The following VSTM2B variants were observed in gnomAD, a reference collection of about 807,000 sequenced individuals.
The protein encoded by VSTM2B is V-set and transmembrane domain containing 2B, also known as V-set and transmembrane domain-containing protein 2B.
A neutral mutation model predicts 24.0 loss-of-function variants in VSTM2B; 24 were observed. That is an observed-to-expected ratio of 1.00 (90% CI 0.72 to 1.40). The LOEUF (loss-of-function observed/expected upper bound fraction) is 1.40. Ranked by LOEUF, VSTM2B falls within the 40% of genes most tolerant of loss-of-function variation. The pLI is 0.00. For synonymous variants in VSTM2B, 226 were observed against 194.4 expected (o/e 1.16, Z -1.35); for missense variants, 399 against 416.4 (o/e 0.96, Z 0.36).
chr19:29,530,254 G>A lies in VSTM2B; in HGVS notation c.733G>A (p.Gly245Arg). 4 of 1,503,450 alleles carry A rather than the reference G, an allele frequency of 2.7e-6. No homozygotes were observed. Among genetic ancestry groups the A allele is most frequent in the Admixed American group, 2.1e-5 (1 of 47,830 alleles). 93.1% of individuals were successfully genotyped at this position (1,503,450 alleles called of 1,614,324 possible). ...TGCCTCGTCAGCGTCGCCGCCATCG[G>A]GACAGGCGGTCCTGCTGCGCCAGAG... ...AAASSASPPSGQAVLLRQRHG... is the reference protein window; with the variant it reads ...AAASSASPPSRQAVLLRQRHG... Residue 245 changes from glycine to arginine, a missense_variant, in exon 4 of 5, where the codon GGA becomes AGA. Physicochemically the swap from Gly to Arg is moderately radical, Grantham distance 125. Transcript: ENST00000335523.
At chr19:29,553,431 C>T (rs1288318542) in intron 4 of VSTM2B, among the ~76,000 whole-genome samples, 37 of 152,174 alleles carry the variant, frequency 2.4e-4, no homozygotes, top group Admixed American at 2.4e-3. Context: ...CAAAAAAGTC[C>T]CTGCAAGAAA....
At chr19:29,558,256 TTGG>T (rs1970455242) in intron 4 of VSTM2B, among the ~76,000 whole-genome samples, 1 of 152,184 alleles carries the variant, frequency 6.6e-6, no homozygotes, top group African/African-American at 2.4e-5. Flanking sequence ...TTTTACAGTG[TTGG>T]TGGGAATATA....
chr19:29,552,594 C>T lies in VSTM2B; in HGVS notation c.770-11252C>T, dbSNP rs147446009. Among the ~76,000 whole-genome samples, 1,209 of 152,308 alleles carry T rather than the reference C, an allele frequency of 7.9e-3. 11 individuals carry two copies. Among genetic ancestry groups the T allele is most frequent in the African/African-American group, 0.025 (1,040 of 41,558 alleles). ...GGTCAGGGGATCTCCCTCATGAGCC[C>T]GTGCCACCAGGGCCTTGGGTCCCAA... On this transcript the variant is annotated intron_variant, in intron 4 of 4. Transcript: ENST00000335523.
chr19:29,528,576 G>A, intron 3 of VSTM2B, 114 bp downstream of exon 3: 3 of 1,311,216 alleles, frequency 2.3e-6, no homozygotes, highest in Non-Finnish European at 2.1e-6. Context: ...GCGCAAGTAG[G>A]GCAGCGATCG....
At chr19:29,539,606 C>T (rs576991120) in intron 4 of VSTM2B, among the ~76,000 whole-genome samples, 2 of 152,184 alleles carry the variant, frequency 1.3e-5, no homozygotes, top group South Asian at 2.1e-4. Flanking sequence ...CTCACGCCAC[C>T]GTTACAGGCT....
chr19:29,531,630 G>T (rs183403683), intron 4 of VSTM2B, among the ~76,000 whole-genome samples: 1 of 152,146 alleles, frequency 6.6e-6, no homozygotes, highest in Non-Finnish European at 1.5e-5. Context: ...GGCTTGATCC[G>T]AAGGCCTCAT....
rs530439750 is a variant in VSTM2B at position 29,556,962 on chromosome 19, G to A, written c.770-6884G>A. Among the ~76,000 whole-genome samples the A allele has an allele frequency of 1.2e-4, 19 of 152,262 alleles. No individual in the cohort carries two copies. The South Asian group carries it at 3.9e-3, about 32-fold the overall frequency. Reference sequence around the variant, plus strand: ...TGTGAAAATGGCCATACTACCCAAAGCAATTTATAGATTCAATGCCATTCC... The same window carrying A: ...TGTGAAAATGGCCATACTACCCAAAACAATTTATAGATTCAATGCCATTCC... On this transcript the variant is annotated intron_variant, in intron 4 of 4. Transcript: ENST00000335523.
chr19:29,536,876 T>C (rs930810772), intron 4 of VSTM2B, among the ~76,000 whole-genome samples: 8 of 152,350 alleles, frequency 5.3e-5, no homozygotes, highest in African/African-American at 1.9e-4. Flanking sequence ...TGAGGTCAAG[T>C]GCTTTTGTAA....
chr19:29,542,074 G>T (rs1487851604), intron 4 of VSTM2B, among the ~76,000 whole-genome samples: 1 of 150,680 alleles, frequency 6.6e-6, no homozygotes, highest in African/African-American at 2.4e-5. Context: ...GTAGAAGGAT[G>T]ATGAGTAGAT....
chr19:29,533,431 A>G (rs937827151), intron 4 of VSTM2B, among the ~76,000 whole-genome samples: 1 of 152,172 alleles, frequency 6.6e-6, no homozygotes, highest in Non-Finnish European at 1.5e-5. Context: ...GTGTAGACAC[A>G]TCTCAGAAAG....
intron 4 of VSTM2B, among the ~76,000 whole-genome samples, chr19:29,548,973 G>A (rs1970210718): frequency 2.6e-5 from 4 of 152,226 alleles, no homozygotes; most frequent in Admixed American, 2.6e-4. Context: ...GGCTAGCAGG[G>A]AGGGATGAGG....
intron 4 of VSTM2B, among the ~76,000 whole-genome samples, chr19:29,552,037 C>T (rs1019364707): frequency 1.6e-4 from 24 of 152,202 alleles, no homozygotes; most frequent in African/African-American, 5.8e-4. Context: ...AAGTGCTGGA[C>T]ATTGGAACAG....
At chr19:29,553,477 G>A (rs553482324) in intron 4 of VSTM2B, among the ~76,000 whole-genome samples, 1 of 152,332 alleles carries the variant, frequency 6.6e-6, no homozygotes, top group East Asian at 1.9e-4. Flanking sequence ...AAAGATTGAA[G>A]CTACATAAAC....
At chr19:29,535,017 G>T (rs1203438650) in intron 4 of VSTM2B, among the ~76,000 whole-genome samples, 4 of 152,180 alleles carry the variant, frequency 2.6e-5, no homozygotes, top group Admixed American at 2.6e-4. Flanking sequence ...ATACATATTT[G>T]CACTAAAAGT....
chr19:29,551,354 A>T (rs973802745), intron 4 of VSTM2B, among the ~76,000 whole-genome samples: 15 of 149,250 alleles, frequency 1.0e-4, no homozygotes, highest in Non-Finnish European at 2.1e-4. Flanking sequence ...GAGCTGCCAT[A>T]TTGCTTTCTG....
chr19:29,540,418 C>A (rs1321773133), intron 4 of VSTM2B, among the ~76,000 whole-genome samples: 4 of 152,216 alleles, frequency 2.6e-5, no homozygotes, highest in Non-Finnish European at 5.9e-5. Context: ...CCAGGGTGGG[C>A]TGGTAGTTGG....
At position 29,544,904 on chromosome 19, in the gene VSTM2B, A is replaced by G. The variant is rs560954943; in HGVS notation, c.769+14614A>G. 2.0e-5 allele frequency among the ~76,000 whole-genome samples: 3 copies of G among 152,348 alleles called. No homozygotes were observed. In the South Asian group the frequency reaches 6.2e-4, roughly 32 times the overall value. On this transcript the variant is annotated intron_variant, in intron 4 of 4. Transcript: ENST00000335523. ...TCAACAAACATTTTGTGAGCCTGTC[A>G]GGGTTCCGGCACCGTGCTGGGTAAT... is the stretch of plus-strand genomic sequence containing the variant.
rs528133511 is a variant in VSTM2B, at chr19:29,552,907, C to T, written c.770-10939C>T. 1.2e-3 allele frequency among the ~76,000 whole-genome samples: 176 copies of T among 152,294 alleles called. 5 individuals carry two copies. The South Asian group carries it at 0.035, about 30-fold the overall frequency. ...CCCATCCCTCCTCACCTGGTGGGGC[C>T]TCCCTGCAGGAATTTCAGCAACTAC... On this transcript the variant is annotated intron_variant, in intron 4 of 4. Coordinates refer to ENST00000335523, the MANE Select transcript of VSTM2B (RefSeq NM_001146339.2).
intron 4 of VSTM2B, among the ~76,000 whole-genome samples, chr19:29,540,006 G>T (rs1033896449): frequency 2.6e-4 from 40 of 152,400 alleles, no homozygotes; most frequent in African/African-American, 9.4e-4. Flanking sequence ...CTGCCCTCAG[G>T]GAGGAAGGCA....
Sources: gnomAD v4.1 joint callset for allele counts (sites outside exome capture counted in the v4.1 genomes callset) on GRCh38, gnomAD v4.1.1 for gene constraint, MANE v1.5 for transcripts, NCBI Gene and HGNC (gene_info 2026-07-23, HGNC 2026-07-21) for gene names.